NRXN3: variants seen among roughly 807,000 people sequenced by gnomAD.
NRXN3 encodes the protein neurexin 3.
Under a neutral mutation model 137.6 loss-of-function variants are expected in NRXN3, and 32 were observed. That is an observed-to-expected ratio of 0.23 (90% CI 0.18 to 0.31). NRXN3 has a LOEUF of 0.31. Among genes scored for constraint, NRXN3 ranks in the 10% least tolerant of loss-of-function variants. The probability of loss-of-function intolerance (pLI) is 1.00; values close to 1 mark genes in which losing one functional copy is unlikely to be tolerated. For synonymous variants in NRXN3, 798 were observed against 784.5 expected (o/e 1.02, Z -0.29); for missense variants, 1,574 against 2,062.5 (o/e 0.76, Z 4.59).
At chr14:78,345,922 C>T (rs1388558339) in intron 4 of NRXN3, among the ~76,000 whole-genome samples, 2 of 152,110 alleles carry the variant, frequency 1.3e-5, no homozygotes, top group Non-Finnish European at 1.5e-5. Flanking sequence ...GAGTGTTGTA[C>T]CTACTCTAGC....
chr14:79,621,417 G>T (rs1471987978), intron 16 of NRXN3, among the ~76,000 whole-genome samples: 2 of 152,200 alleles, frequency 1.3e-5, no homozygotes, highest in African/African-American at 4.8e-5. Context: ...AATGGAAAAG[G>T]TGCCAGTGGA....
intron 4 of NRXN3, among the ~76,000 whole-genome samples, chr14:78,384,201 A>C (rs577444337): frequency 1.7e-3 from 255 of 152,274 alleles, no homozygotes; most frequent in Non-Finnish European, 2.8e-3. Flanking sequence ...CACTCTGAAT[A>C]TATTTGAGAA....
chr14:79,725,667 C>A (rs913092981), intron 19 of NRXN3, among the ~76,000 whole-genome samples: 1 of 152,090 alleles, frequency 6.6e-6, no homozygotes, highest in African/African-American at 2.4e-5. Context: ...ATCCCAGGCA[C>A]GTTTTGTGAT....
At chr14:79,615,828 T>C (rs1238600918) in intron 16 of NRXN3, among the ~76,000 whole-genome samples, 3 of 152,286 alleles carry the variant, frequency 2.0e-5, no homozygotes, top group Admixed American at 2.0e-4. Context: ...GAACTATAGT[T>C]CAAGATGAGA....
intron 8 of NRXN3, among the ~76,000 whole-genome samples, chr14:78,779,547 A>G (rs1333373469): frequency 6.6e-6 from 1 of 152,180 alleles, no homozygotes; most frequent in African/African-American, 2.4e-5. Context: ...AGGAATCTAC[A>G]GTACTTTTAT....
At chr14:79,588,240 C>T (rs983906148) in intron 16 of NRXN3, among the ~76,000 whole-genome samples, 1 of 152,134 alleles carries the variant, frequency 6.6e-6, no homozygotes, top group Admixed American at 6.5e-5. Context: ...GTTATATAAC[C>T]TGTGGTCTAT....
intron 15 of NRXN3, among the ~76,000 whole-genome samples, chr14:79,388,609 C>G: frequency 6.6e-6 from 1 of 152,094 alleles, no homozygotes. Flanking sequence ...TCACAGCCCT[C>G]GACTCATGCT....
chr14:78,896,130 T>C (rs1265883915), intron 10 of NRXN3, among the ~76,000 whole-genome samples: 3 of 151,892 alleles, frequency 2.0e-5, no homozygotes, highest in African/African-American at 7.2e-5. Flanking sequence ...TTTTTAAAAA[T>C]GCAATTGTTG....
At chr14:79,461,935 T>G (rs2096349149) in intron 15 of NRXN3, among the ~76,000 whole-genome samples, 1 of 152,328 alleles carries the variant, frequency 6.6e-6, no homozygotes. Context: ...CAAAGAGAAC[T>G]AGAGCAGGAG....
At chr14:79,688,114 G>GGGACCAAA (rs1603429900) in intron 17 of NRXN3, among the ~76,000 whole-genome samples, 3 of 149,472 alleles carry the variant, frequency 2.0e-5, no homozygotes, top group East Asian at 5.9e-4. Context: ...GACTGATAAG[G>GGGACCAAA]TAGTGAGACA....
chr14:78,180,168 G>A (rs2059687665), intron 1 of NRXN3, among the ~76,000 whole-genome samples: 1 of 152,118 alleles, frequency 6.6e-6, no homozygotes, highest in Non-Finnish European at 1.5e-5. Flanking sequence ...AATAAACATG[G>A]GGGAGGGCGC....
intron 20 of NRXN3, among the ~76,000 whole-genome samples, chr14:79,852,832 C>T (rs1418451191): frequency 6.6e-6 from 1 of 151,200 alleles, no homozygotes; most frequent in African/African-American, 2.4e-5. Context: ...TTTCTCCCTT[C>T]TTGTTTGGGA....
At chr14:79,276,957 G>A (rs149516278) in intron 15 of NRXN3, among the ~76,000 whole-genome samples, 47 of 152,314 alleles carry the variant, frequency 3.1e-4, no homozygotes, top group African/African-American at 1.1e-3. Context: ...AGGAGAAAAT[G>A]AAGACTCAGC....
intron 15 of NRXN3, among the ~76,000 whole-genome samples, chr14:79,352,457 A>C (rs563556345): frequency 2.6e-5 from 4 of 152,196 alleles, no homozygotes; most frequent in African/African-American, 9.6e-5. Flanking sequence ...TCATAGTTGC[A>C]CAGCTGTCAG....
chr14:78,560,400 G>A (rs1451980998), intron 4 of NRXN3, among the ~76,000 whole-genome samples: 2 of 152,168 alleles, frequency 1.3e-5, no homozygotes, highest in Non-Finnish European at 2.9e-5. Context: ...AGGGACTCAG[G>A]TCCCAACCTT....
At chr14:78,474,575 A>T (rs1210955542) in intron 4 of NRXN3, among the ~76,000 whole-genome samples, 1 of 152,212 alleles carries the variant, frequency 6.6e-6, no homozygotes, top group Non-Finnish European at 1.5e-5. Flanking sequence ...TCTCTCCATG[A>T]TCTTTTTCTT....
At chr14:78,761,791 TGTAC>T (rs2152976887) in intron 8 of NRXN3, among the ~76,000 whole-genome samples, 1 of 152,308 alleles carries the variant, frequency 6.6e-6, no homozygotes, top group African/African-American at 2.4e-5. Flanking sequence ...CAGGAATATC[TGTAC>T]GTAAACATAT....
intron 15 of NRXN3, among the ~76,000 whole-genome samples, chr14:79,149,315 T>C (rs2059585744): frequency 6.6e-6 from 1 of 150,840 alleles, no homozygotes; most frequent in Non-Finnish European, 1.5e-5. Flanking sequence ...GTCAGCATCC[T>C]GGATAGGGGG....
At chr14:78,743,973 A>G (rs1363386824) in intron 8 of NRXN3, among the ~76,000 whole-genome samples, 1 of 152,222 alleles carries the variant, frequency 6.6e-6, no homozygotes, top group Non-Finnish European at 1.5e-5. Flanking sequence ...ATTGTGGACA[A>G]TAAAATCCTG....
Sources: gnomAD v4.1 joint callset for allele counts (sites outside exome capture counted in the v4.1 genomes callset) on GRCh38, gnomAD v4.1.1 for gene constraint, MANE v1.5 for transcripts, NCBI Gene and HGNC (gene_info 2026-07-23, HGNC 2026-07-21) for gene names.